Variants in SAMD12 observed in about 807,000 individuals in gnomAD.
The protein encoded by SAMD12 is sterile alpha motif domain-containing protein 12.
Under a neutral mutation model 15.0 loss-of-function variants are expected in SAMD12, and 9 were observed. The observed-to-expected ratio is 0.60, with a 90% CI of 0.36 to 1.05. SAMD12 has a LOEUF of 1.05. SAMD12 is among the 50% of genes least tolerant of loss of function. The pLI is 0.01. For synonymous variants in SAMD12, 86 were observed against 90.1 expected, an observed-to-expected ratio of 0.96 and a Z score of 0.25; for missense variants, 230 against 234.2, an observed-to-expected ratio of 0.98 and a Z score of 0.12.
chr8:118,331,478 C>T (rs1214414611), intron 4 of SAMD12, among the ~76,000 whole-genome samples: 9 of 152,100 alleles, frequency 5.9e-5, no homozygotes. Flanking sequence ...CCCTGGAAAA[C>T]AAGATACCAA....
In SAMD12 at chr8:118,592,078, T is replaced by C. The variant is rs186271397; in HGVS notation, c.14-11185A>G. On this transcript the variant is annotated intron_variant, in intron 1 of 3. Coordinates refer to ENST00000314727, the MANE Select transcript of SAMD12 (RefSeq NM_207506.3). Reference sequence around the variant, plus strand: ...GGCTCATGCCTATAATCACAGCACTTTGGGAGGCCAAGGTGGGTGGATCAC... The same window carrying C: ...GGCTCATGCCTATAATCACAGCACTCTGGGAGGCCAAGGTGGGTGGATCAC... Among the ~76,000 whole-genome samples, 31 of 152,210 alleles carry C rather than the reference T, an allele frequency of 2.0e-4. No individual in the cohort carries two copies. In the East Asian group the frequency reaches 6.0e-3, roughly 29 times the overall value.
chr8:118,490,015 T>C (rs1824397003), intron 2 of SAMD12, among the ~76,000 whole-genome samples: 1 of 152,180 alleles, frequency 6.6e-6, no homozygotes, highest in Non-Finnish European at 1.5e-5. Flanking sequence ...ATACCACTTC[T>C]CTGCACAGCC....
At chr8:118,318,669 T>A (rs755469019) in intron 4 of SAMD12, among the ~76,000 whole-genome samples, 3 of 151,922 alleles carry the variant, frequency 2.0e-5, no homozygotes, top group Non-Finnish European at 4.4e-5. Flanking sequence ...TCTATATAAG[T>A]CATCCATGTA....
At chr8:118,215,001 C>T (rs2451171) in intron 4 of SAMD12, among the ~76,000 whole-genome samples, 80,024 of 152,106 alleles carry the variant, frequency 0.53, 22,320 homozygotes, top group Non-Finnish European at 0.62. Flanking sequence ...GGAGAATTTA[C>T]TTGCAGCACT....
intron 2 of SAMD12, among the ~76,000 whole-genome samples, chr8:118,482,090 A>T (rs1424352345): frequency 6.6e-6 from 1 of 152,258 alleles, no homozygotes. Flanking sequence ...GCCAAATGCC[A>T]TCTGTTAAAT....
chr8:118,173,116 T>A, the SAMD12 span, among the ~76,000 whole-genome samples: 1 of 152,252 alleles, frequency 6.6e-6, no homozygotes, highest in African/African-American at 2.4e-5. Context: ...CCTTTCCTGT[T>A]GGACAAGTGG....
At chr8:118,179,298 G>C in the SAMD12 span, among the ~76,000 whole-genome samples, 3 of 151,970 alleles carry the variant, frequency 2.0e-5, no homozygotes, top group African/African-American at 7.3e-5. Flanking sequence ...TTAGCCGGGC[G>C]TGGTGGCGCA....
intron 2 of SAMD12, among the ~76,000 whole-genome samples, chr8:118,471,243 T>C (rs1823785642): frequency 6.6e-6 from 1 of 152,166 alleles, no homozygotes; most frequent in Non-Finnish European, 1.5e-5. Context: ...ATGCTGACCT[T>C]TTCCTTATTA....
chr8:118,451,712 G>A lies in SAMD12; in HGVS notation c.193-11751C>T, dbSNP rs1349863267. Among the ~76,000 whole-genome samples the A allele has an allele frequency of 3.3e-5, 5 of 152,278 alleles. 1 individual carries two copies. In the South Asian group the frequency reaches 8.3e-4, roughly 25 times the overall value. On this transcript the variant is annotated intron_variant, in intron 2 of 3. Transcript: ENST00000314727. ...CAATTGTATTTAGTAGGGCAGAGTAGGGATTTGGGGGCTTGGAGAGCCTAT... is the reference window on the plus strand; with the variant it reads ...CAATTGTATTTAGTAGGGCAGAGTAAGGATTTGGGGGCTTGGAGAGCCTAT...
chr8:118,194,228 C>A (rs1819491296), exon 5 of SAMD12: 2 of 152,072 alleles, frequency 1.3e-5, no homozygotes, highest in Admixed American at 6.5e-5. Flanking sequence ...GACTAAGGAC[C>A]GTTAGCCTCT....
At chr8:118,161,267 C>A in the SAMD12 span, among the ~76,000 whole-genome samples, 1 of 152,054 alleles carries the variant, frequency 6.6e-6, no homozygotes, top group Admixed American at 6.6e-5. Context: ...AAGAAGAAAG[C>A]GAACTTTATC....
At chr8:118,274,895 GAAAGTC>G (rs2130127126) in intron 4 of SAMD12, among the ~76,000 whole-genome samples, 2 of 152,264 alleles carry the variant, frequency 1.3e-5, no homozygotes, top group East Asian at 3.9e-4. Context: ...TTACAGCTAT[GAAAGTC>G]AAAGTTGCTA....
intron 2 of SAMD12, among the ~76,000 whole-genome samples, chr8:118,456,089 A>T (rs1214667923): frequency 6.6e-6 from 1 of 151,644 alleles, no homozygotes; most frequent in Non-Finnish European, 1.5e-5. Context: ...TAAAATCCAA[A>T]CTCCAAGCCT....
At chr8:118,361,062 C>T (rs1459806438) in intron 4 of SAMD12, among the ~76,000 whole-genome samples, 1 of 150,740 alleles carries the variant, frequency 6.6e-6, no homozygotes, top group Non-Finnish European at 1.5e-5. Flanking sequence ...TGTCACCTCA[C>T]AACTACCCCC....
At chr8:118,374,989 T>C (rs540865336), downstream of SAMD12, among the ~76,000 whole-genome samples, 5 of 152,248 alleles carry the variant, frequency 3.3e-5, no homozygotes, top group South Asian at 1.0e-3. Context: ...TAAAATTGTA[T>C]TGGAACACTG....
chr8:118,178,100 G>A, the SAMD12 span, among the ~76,000 whole-genome samples: 1 of 152,066 alleles, frequency 6.6e-6, no homozygotes, highest in Admixed American at 6.6e-5. Flanking sequence ...CATGAGTACA[G>A]TATTTTCTTA....
At chr8:118,438,792 G>C (rs534268797) in intron 3 of SAMD12, among the ~76,000 whole-genome samples, 67 of 152,114 alleles carry the variant, frequency 4.4e-4, no homozygotes, top group Non-Finnish European at 8.8e-4. Flanking sequence ...AGAATGCTGA[G>C]CTATTTCATG....
At chr8:118,210,182 C>T (rs939424066) in intron 4 of SAMD12, among the ~76,000 whole-genome samples, 17 of 152,178 alleles carry the variant, frequency 1.1e-4, no homozygotes, top group African/African-American at 3.6e-4. Context: ...ATTTGTGAAA[C>T]CCTCATGTGC....
intron 3 of SAMD12, among the ~76,000 whole-genome samples, chr8:118,413,038 G>A (rs531011899): frequency 6.6e-5 from 10 of 152,164 alleles, no homozygotes; most frequent in African/African-American, 1.2e-4. Flanking sequence ...TACCTGGGCC[G>A]GTCTGCTGGA....
Sources: allele counts gnomAD v4.1 joint callset (sites outside exome capture counted in the v4.1 genomes callset), GRCh38; gene constraint gnomAD v4.1.1; transcripts MANE v1.5; gene names NCBI Gene and HGNC (gene_info 2026-07-23, HGNC 2026-07-21).